The following GLRA3 variants were observed in gnomAD, a reference collection of about 807,000 sequenced individuals.
GLRA3 encodes the protein glycine receptor subunit alpha-3.
A neutral mutation model predicts 60.4 loss-of-function variants in GLRA3; 44 were observed. The ratio of observed to expected loss-of-function variants is 0.73; its 90% CI spans 0.57 to 0.94. GLRA3 has a LOEUF of 0.94. Ranked by LOEUF, GLRA3 falls within the 40% of genes least tolerant of loss-of-function variation. GLRA3 has a pLI of 0.00. For missense variants in GLRA3, 508 were observed against 564.6 expected, an observed-to-expected ratio of 0.90 and a Z score of 1.02; for synonymous variants, 223 against 192.9, an observed-to-expected ratio of 1.16 and a Z score of -1.29.
intron 3 of GLRA3, among the ~76,000 whole-genome samples, chr4:174,748,865 G>A (rs57501830): frequency 0.18 from 26,659 of 151,878 alleles, 3,128 homozygotes; most frequent in African/African-American, 0.34. Flanking sequence ...AAATTAGAAA[G>A]ATAGAAAGAT....
intron 1 of GLRA3, among the ~76,000 whole-genome samples, chr4:174,793,371 C>T (rs10030830): frequency 0.01 from 1,549 of 151,880 alleles, 27 homozygotes; most frequent in African/African-American, 0.035. Context: ...TACCATTTTG[C>T]AGGCCTTTCA....
intron 3 of GLRA3, among the ~76,000 whole-genome samples, chr4:174,733,136 T>C (rs4695955): frequency 0.85 from 129,712 of 152,080 alleles, 55,359 homozygotes; most frequent in Middle Eastern, 0.88. Context: ...GATGTGAAAC[T>C]GACTGGGTCT....
At chr4:174,725,619 C>A (rs934504755) in intron 4 of GLRA3, among the ~76,000 whole-genome samples, 13 of 152,108 alleles carry the variant, frequency 8.5e-5, no homozygotes, top group African/African-American at 2.9e-4. Flanking sequence ...TCACTGGGAA[C>A]ACAGGTGAAC....
At chr4:174,706,108 T>C (rs1372295372) in intron 5 of GLRA3, among the ~76,000 whole-genome samples, 1 of 151,958 alleles carries the variant, frequency 6.6e-6, no homozygotes, top group Admixed American at 6.6e-5. Flanking sequence ...CGGGCACCTG[T>C]AGTCCCAGCT....
rs190271419 is a variant in GLRA3, at chr4:174,760,879, A to T, written c.267+6084T>A. Among the ~76,000 whole-genome samples, 86 of 152,270 alleles carry T rather than the reference A, an allele frequency of 5.6e-4. 1 individual carries two copies. The East Asian group carries it at 0.016, about 28-fold the overall frequency. On this transcript the variant is annotated intron_variant, in intron 3 of 9. Coordinates refer to ENST00000274093, the MANE Select transcript of GLRA3 (RefSeq NM_006529.4). ...TATATTATGAAATACTGAAATGAAAATGAAAAAAACCTTGTCTACATATAC... is the reference window on the plus strand; with the variant it reads ...TATATTATGAAATACTGAAATGAAATTGAAAAAAACCTTGTCTACATATAC...
intron 3 of GLRA3, among the ~76,000 whole-genome samples, chr4:174,744,386 T>A (rs529257278): frequency 6.6e-6 from 1 of 152,338 alleles, no homozygotes; most frequent in South Asian, 2.1e-4. Flanking sequence ...TATGCTGCCC[T>A]GGGAGCCGAA....
intron 9 of GLRA3, among the ~76,000 whole-genome samples, chr4:174,653,068 T>G (rs1248218831): frequency 6.6e-6 from 1 of 152,154 alleles, no homozygotes. Context: ...ATTAAATAGA[T>G]TATTCCAAAT....
intron 1 of GLRA3, among the ~76,000 whole-genome samples, chr4:174,794,030 T>A (rs1478134896): frequency 6.6e-6 from 1 of 152,168 alleles, no homozygotes; most frequent in Non-Finnish European, 1.5e-5. Flanking sequence ...ATAATCCCTT[T>A]CATTCATGCA....
At chr4:174,808,467 A>G (rs1740136157) in intron 1 of GLRA3, among the ~76,000 whole-genome samples, 1 of 152,194 alleles carries the variant, frequency 6.6e-6, no homozygotes, top group Non-Finnish European at 1.5e-5. Flanking sequence ...AATTATGTAC[A>G]GTACATAATA....
intron 1 of GLRA3, among the ~76,000 whole-genome samples, chr4:174,821,393 C>A (rs917835411): frequency 6.6e-6 from 1 of 152,032 alleles, no homozygotes; most frequent in Non-Finnish European, 1.5e-5. Context: ...GGTTTTATTT[C>A]TATGTCATGA....
At chr4:174,761,241 T>C (rs1172795850) in intron 3 of GLRA3, among the ~76,000 whole-genome samples, 1 of 152,154 alleles carries the variant, frequency 6.6e-6, no homozygotes, top group East Asian at 1.9e-4. Flanking sequence ...TATAGATATA[T>C]GGAGAGATAG....
intron 9 of GLRA3, among the ~76,000 whole-genome samples, chr4:174,653,377 C>T (rs1733087926): frequency 6.6e-6 from 1 of 151,770 alleles, no homozygotes; most frequent in South Asian, 2.1e-4. Context: ...AATGGAAGGT[C>T]TAAAATAATG....
chr4:174,810,343 C>T lies in GLRA3; in HGVS notation c.71+18398G>A, dbSNP rs535721816. Among the ~76,000 whole-genome samples, 6 of 152,038 alleles carry T rather than the reference C, an allele frequency of 3.9e-5. No individual in the cohort carries two copies. In the South Asian group the frequency reaches 8.3e-4, roughly 21 times the overall value. ...GATTAGCGGTGGGGAGAGGCAAGAA[C>T]AAATTCTCAAGGCAACTCTCTCCCC... On this transcript the variant is annotated intron_variant, in intron 1 of 9. Transcript: ENST00000274093.
intron 1 of GLRA3, 127 bp from the exon 2 acceptor site, chr4:174,789,070 A>C: frequency 1.8e-6 from 1 of 547,372 alleles, no homozygotes; most frequent in Non-Finnish European, 3.2e-6. Context: ...TTTAGATATC[A>C]TACAGTGAAG....
At chr4:174,823,669 A>G (rs1740839517) in intron 1 of GLRA3, among the ~76,000 whole-genome samples, 1 of 152,242 alleles carries the variant, frequency 6.6e-6, no homozygotes, top group African/African-American at 2.4e-5. Context: ...AAGGAAAAGT[A>G]GATGATCTAC....
intron 5 of GLRA3, among the ~76,000 whole-genome samples, chr4:174,699,256 C>A (rs1489712477): frequency 2.0e-5 from 3 of 152,154 alleles, no homozygotes; most frequent in African/African-American, 4.8e-5. Context: ...CCCGTCTCAG[C>A]CTCCCAAAGT....
At chr4:174,710,103 C>T (rs1735661157) in intron 5 of GLRA3, among the ~76,000 whole-genome samples, 1 of 151,656 alleles carries the variant, frequency 6.6e-6, no homozygotes, top group Non-Finnish European at 1.5e-5. Context: ...TGTTTCACTT[C>T]TTCCAGTTTT....
intron 4 of GLRA3, among the ~76,000 whole-genome samples, chr4:174,724,864 C>T (rs993452307): frequency 3.3e-5 from 5 of 152,140 alleles, no homozygotes; most frequent in East Asian, 1.9e-4. Flanking sequence ...GCTTCAGTGA[C>T]GTCTAGAAAA....
chr4:174,779,622 G>A (rs1210495435), intron 2 of GLRA3, among the ~76,000 whole-genome samples: 11 of 152,138 alleles, frequency 7.2e-5, no homozygotes, highest in African/African-American at 2.7e-4. Context: ...GCTTAAAGGA[G>A]CTGACGGAGC....
Sources: gnomAD v4.1 joint callset for allele counts (sites outside exome capture counted in the v4.1 genomes callset) on GRCh38, gnomAD v4.1.1 for gene constraint, MANE v1.5 for transcripts, NCBI Gene and HGNC (gene_info 2026-07-23, HGNC 2026-07-21) for gene names.